Variants in FLT1 observed in about 807,000 individuals in gnomAD.
FLT1 encodes the protein vascular endothelial growth factor receptor 1.
In FLT1, 49 loss-of-function variants were observed where a neutral mutation model predicts 156.3. The ratio of observed to expected loss-of-function variants is 0.31; its 90% CI spans 0.25 to 0.40. The LOEUF is 0.40. FLT1 is among the 10% of genes least tolerant of loss of function. The probability of loss-of-function intolerance (pLI) is 1.00; values close to 1 mark genes in which losing one functional copy is unlikely to be tolerated. For synonymous variants in FLT1, 594 were observed against 583.8 expected (o/e 1.02, Z -0.25); for missense variants, 1,322 against 1,637.2 (o/e 0.81, Z 3.32).
intron 11 of FLT1, among the ~76,000 whole-genome samples, chr13:28,404,103 C>G (rs537042861): frequency 1.3e-5 from 2 of 151,776 alleles, no homozygotes; most frequent in Admixed American, 1.3e-4. Flanking sequence ...GTTTATATAA[C>G]TTCCTCTAAG....
intron 18 of FLT1, among the ~76,000 whole-genome samples, chr13:28,331,663 C>T (rs556466134): frequency 6.0e-4 from 91 of 152,280 alleles, no homozygotes; most frequent in African/African-American, 2.1e-3. Flanking sequence ...AACGCCTGAC[C>T]TCATGATCTG....
chr13:28,347,894 T>A (rs1202884539), intron 15 of FLT1, among the ~76,000 whole-genome samples: 1 of 152,198 alleles, frequency 6.6e-6, no homozygotes, highest in East Asian at 1.9e-4. Flanking sequence ...AGCCTGCAAG[T>A]GGTGGAGCTG....
At chr13:28,358,018 T>C (rs1040609692) in intron 14 of FLT1, among the ~76,000 whole-genome samples, 2 of 152,150 alleles carry the variant, frequency 1.3e-5, no homozygotes, top group African/African-American at 2.4e-5. Flanking sequence ...AAGTTGAAGA[T>C]ATCAAGAAGG....
chr13:28,354,473 T>G (rs1030012132), intron 15 of FLT1, among the ~76,000 whole-genome samples: 2 of 152,194 alleles, frequency 1.3e-5, no homozygotes, highest in Non-Finnish European at 2.9e-5. Context: ...GCTCCTAAAC[T>G]ATTTCAAGAA....
At chr13:28,488,394 C>T (rs1270149197) in intron 1 of FLT1, among the ~76,000 whole-genome samples, 2 of 151,808 alleles carry the variant, frequency 1.3e-5, no homozygotes, top group East Asian at 1.9e-4. Flanking sequence ...AGCAAGACTC[C>T]GTCTCAAAAA....
intron 1 of FLT1, among the ~76,000 whole-genome samples, chr13:28,485,782 A>G (rs1333262298): frequency 6.6e-6 from 1 of 151,716 alleles, no homozygotes; most frequent in Non-Finnish European, 1.5e-5. Context: ...CCACCATCAC[A>G]CTCTTGCAAC....
At chr13:28,411,153 T>C (rs1876144921) in intron 10 of FLT1, among the ~76,000 whole-genome samples, 1 of 152,112 alleles carries the variant, frequency 6.6e-6, no homozygotes, top group Non-Finnish European at 1.5e-5. Context: ...TACTTTATAG[T>C]TACATTTTTG....
At chr13:28,404,678 T>C (rs1016732838) in intron 11 of FLT1, among the ~76,000 whole-genome samples, 2 of 152,210 alleles carry the variant, frequency 1.3e-5, no homozygotes, top group Non-Finnish European at 2.9e-5. Flanking sequence ...GAAATATATA[T>C]GTAAACAGAC....
chr13:28,374,930 CA>C (rs1356982133), intron 14 of FLT1, among the ~76,000 whole-genome samples: 1 of 152,102 alleles, frequency 6.6e-6, no homozygotes, highest in Non-Finnish European at 1.5e-5. Flanking sequence ...AAACAACTAG[CA>C]GGGGGCCCTG....
chr13:28,350,693 A>AGGG (rs1872711168), intron 15 of FLT1, among the ~76,000 whole-genome samples: 2 of 152,100 alleles, frequency 1.3e-5, no homozygotes, highest in African/African-American at 4.8e-5. Flanking sequence ...AGACCAGAGC[A>AGGG]CCTTGTCCCA....
At chr13:28,403,301 A>G (rs1875574391) in intron 11 of FLT1, among the ~76,000 whole-genome samples, 1 of 152,174 alleles carries the variant, frequency 6.6e-6, no homozygotes, top group Admixed American at 6.5e-5. Context: ...TATATTTAAA[A>G]TCTTCTGCGT....
At position 28,397,026 on chromosome 13, in the gene FLT1, T is replaced by A. The variant is rs1435730024; in HGVS notation, c.1594A>T (p.Ile532Phe). ...TTATTGGAAGCTATGCAAATGTAGA[T>A]TCCAGAAATTCTAGAGTCAGCCACA... ...LVVADSRISG[I>F]YICIASNKVG... Residue 532 changes from isoleucine to phenylalanine, a missense_variant, in exon 12 of 30, where the codon ATC becomes TTC. Coordinates refer to ENST00000282397, the MANE Select transcript of FLT1 (RefSeq NM_002019.4). 6.2e-7 allele frequency: 1 copy of A among 1,613,812 alleles called. No homozygotes were observed. The highest frequency in any genetic ancestry group is 1.3e-5 in the African/African-American group (1 of 74,934).
chr13:28,355,152 G>C (rs1345187766), intron 15 of FLT1, among the ~76,000 whole-genome samples: 1 of 152,216 alleles, frequency 6.6e-6, no homozygotes, highest in Non-Finnish European at 1.5e-5. Flanking sequence ...AGCAGAGGAA[G>C]GGCGGAAATA....
chr13:28,315,969 A>C (rs992654763), intron 25 of FLT1, among the ~76,000 whole-genome samples: 2 of 152,130 alleles, frequency 1.3e-5, no homozygotes, highest in African/African-American at 4.8e-5. Context: ...AGCTGCCCTG[A>C]CCACCCCTCA....
At chr13:28,464,476 T>C (rs551721157) in intron 3 of FLT1, among the ~76,000 whole-genome samples, 7 of 152,370 alleles carry the variant, frequency 4.6e-5, no homozygotes, top group East Asian at 1.9e-4. Flanking sequence ...AATTTTAACA[T>C]AGTATTCCAC....
At chr13:28,340,684 G>T (rs140782138) in intron 16 of FLT1, among the ~76,000 whole-genome samples, 1 of 152,136 alleles carries the variant, frequency 6.6e-6, no homozygotes, top group Non-Finnish European at 1.5e-5. Flanking sequence ...ACACCCACTC[G>T]CATTCTTCAG....
chr13:28,317,432 C>T (rs1373057036), intron 25 of FLT1, 66 bp downstream of exon 25: 3 of 985,666 alleles, frequency 3.0e-6, no homozygotes, highest in African/African-American at 3.2e-5. Context: ...TAAAACATCC[C>T]CTCTCAGGAA....
At chr13:28,380,633 G>T (rs1293543032) in intron 14 of FLT1, among the ~76,000 whole-genome samples, 1 of 142,044 alleles carries the variant, frequency 7.0e-6, no homozygotes, top group African/African-American at 2.5e-5. Flanking sequence ...CCTGTTTTTA[G>T]ATATTATTCT....
intron 25 of FLT1, among the ~76,000 whole-genome samples, chr13:28,313,082 G>A (rs1482152217): frequency 1.3e-5 from 2 of 151,938 alleles, no homozygotes; most frequent in Non-Finnish European, 2.9e-5. Flanking sequence ...AGGTTCAAGC[G>A]ATCCTCCTGC....
Sources: gnomAD v4.1 joint callset for allele counts (sites outside exome capture counted in the v4.1 genomes callset) on GRCh38, gnomAD v4.1.1 for gene constraint, MANE v1.5 for transcripts, NCBI Gene and HGNC (gene_info 2026-07-23, HGNC 2026-07-21) for gene names.